The following SHANK2 variants were observed in gnomAD, a reference collection of about 807,000 sequenced individuals.
The protein encoded by SHANK2 is SH3 and multiple ankyrin repeat domains 2.
Under a neutral mutation model 133.7 loss-of-function variants are expected in SHANK2, and 43 were observed. That is an observed-to-expected ratio of 0.32 (90% CI 0.25 to 0.41). The LOEUF is 0.41. Ranked by LOEUF, SHANK2 falls within the 10% of genes least tolerant of loss-of-function variation. SHANK2 has a pLI of 1.00. For synonymous variants in SHANK2, 1,017 were observed against 952.8 expected (o/e 1.07, Z -1.24); for missense variants, 1,994 against 2,235.8 (o/e 0.89, Z 2.18).
chr11:70,691,174 C>T (rs1555020942), intron 15 of SHANK2, among the ~76,000 whole-genome samples: 1 of 151,906 alleles, frequency 6.6e-6, no homozygotes, highest in Non-Finnish European at 1.5e-5. Context: ...GGGAGGGGTC[C>T]CTGGGGCAGC....
Position 70,807,430 on chromosome 11 carries a change from C to T in SHANK2, c.1494-259G>A, listed in dbSNP as rs1298706447. Reference sequence around the variant, plus strand: ...ACTCGGGGAGACGTCTGCACACCTGCGTTCACAGTGGCACCGTTCACAGCA... The same window carrying T: ...ACTCGGGGAGACGTCTGCACACCTGTGTTCACAGTGGCACCGTTCACAGCA... On this transcript the variant is annotated intron_variant, in intron 12 of 25. Coordinates refer to ENST00000601538, the MANE Select transcript of SHANK2 (RefSeq NM_012309.5). This position sits in a 1 kb window ranked among gnomAD's most constrained non-coding sequence, Gnocchi z 4.8. Among the ~76,000 whole-genome samples, 5 of 152,214 alleles carry T rather than the reference C, an allele frequency of 3.3e-5. No individual in the cohort carries two copies. Among genetic ancestry groups the T allele is most frequent in the Admixed American group, 3.3e-4 (5 of 15,292 alleles).
At position 70,798,428 on chromosome 11, in the gene SHANK2, G is replaced by T. The variant is rs372288166; in HGVS notation, c.1777+15C>A. The T allele has an allele frequency of 1.9e-4, 134 of 717,372 alleles. No homozygotes were observed. The highest frequency in any genetic ancestry group is 5.6e-4 in the Admixed American group (28 of 49,998). The allele number at this position is 717,372 out of a possible 1,614,324, so 44.4% of individuals were successfully genotyped here. On this transcript the variant is annotated intron_variant, in intron 14 of 25. Coordinates refer to ENST00000601538, the MANE Select transcript of SHANK2 (RefSeq NM_012309.5). ...TGCAGGATCGAGGGTGGGCGGCCAC[G>T]AGCGCTCGCCTTACCTGCCTGGCTG...
At chr11:70,667,764 GGGCTCTGGGT>G (rs1944706703) in intron 15 of SHANK2, 1 of 152,238 alleles carries the variant, frequency 6.6e-6, no homozygotes, top group Admixed American at 6.5e-5. Context: ...TGGGCCTGAG[GGGCTCTGGGT>G]GGCTCTGTGT....
At chr11:70,815,385 G>GCC (rs1555054090) in intron 12 of SHANK2, among the ~76,000 whole-genome samples, 1 of 152,110 alleles carries the variant, frequency 6.6e-6, no homozygotes, top group African/African-American at 2.4e-5. Flanking sequence ...GGACAGCCCT[G>GCC]CCACAGGCTC....
chr11:71,134,030 C>T (rs34970041), intron 3 of SHANK2, among the ~76,000 whole-genome samples: 3 of 150,434 alleles, frequency 2.0e-5, no homozygotes, highest in Non-Finnish European at 3.0e-5. Context: ...CCACTGCACC[C>T]GGCTACATTC....
chr11:71,165,645 C>T (rs559201136), intron 2 of SHANK2, among the ~76,000 whole-genome samples: 2 of 152,344 alleles, frequency 1.3e-5, no homozygotes, highest in African/African-American at 4.8e-5. Context: ...GGGAACTTCT[C>T]AGCCCTTGAG....
intron 2 of SHANK2, among the ~76,000 whole-genome samples, chr11:71,218,791 G>C (rs1565522363): frequency 6.6e-6 from 1 of 152,208 alleles, no homozygotes; most frequent in East Asian, 1.9e-4. Flanking sequence ...ACAGCACTGG[G>C]CGTAACTAAC....
At chr11:70,703,518 G>C (rs886930349) in intron 14 of SHANK2, among the ~76,000 whole-genome samples, 1 of 152,134 alleles carries the variant, frequency 6.6e-6, no homozygotes, top group Admixed American at 6.5e-5. Flanking sequence ...GCATGTCCAG[G>C]CTTGGCCCCC....
chr11:70,631,463 C>T (rs1418854835), intron 17 of SHANK2, among the ~76,000 whole-genome samples: 1 of 152,034 alleles, frequency 6.6e-6, no homozygotes. Flanking sequence ...GTCCCTGGTC[C>T]TTTTCTCTTG....
chr11:70,818,412 G>T (rs1350119285), intron 12 of SHANK2, among the ~76,000 whole-genome samples: 1 of 152,122 alleles, frequency 6.6e-6, no homozygotes, highest in Non-Finnish European at 1.5e-5. Context: ...CAATACACCC[G>T]GCTGCTTCTC....
intron 2 of SHANK2, among the ~76,000 whole-genome samples, chr11:71,168,085 G>A (rs1219246747): frequency 5.7e-5 from 8 of 140,396 alleles, no homozygotes; most frequent in East Asian, 2.0e-4. Flanking sequence ...GTTGCCGGGC[G>A]GAGGGGCTCC....
intron 1 of SHANK2, among the ~76,000 whole-genome samples, chr11:71,243,417 G>A (rs376721266): frequency 7.2e-5 from 11 of 152,314 alleles, no homozygotes; most frequent in South Asian, 6.2e-4. Context: ...GAGTCAGGCC[G>A]GGCGTGGTGG....
chr11:70,486,750 C>T lies in SHANK2; in HGVS notation c.3543G>A (p.Gly1181=). ...RPLNSTSKAQ[G]PESSPAVPSA... is the part of the protein sequence containing the mutation. ...AGGGCACTGCTGGGCTGCTCTCGGGCCCCTGGGCTTTGGACGTGGAATTCA... is the reference window on the plus strand; with the variant it reads ...AGGGCACTGCTGGGCTGCTCTCGGGTCCCTGGGCTTTGGACGTGGAATTCA... The change falls in exon 25 of 26, where the codon GGG becomes GGA. Residue 1181 remains glycine (G), a synonymous_variant. Coordinates refer to ENST00000601538, the MANE Select transcript of SHANK2 (RefSeq NM_012309.5). The surrounding 1 kb of genome is among the most constrained non-coding windows in gnomAD (Gnocchi z 8.0). 1 of 1,610,798 alleles carries T rather than the reference C, an allele frequency of 6.2e-7. No homozygotes were observed.
At chr11:71,177,757 G>T (rs782349692) in intron 2 of SHANK2, among the ~76,000 whole-genome samples, 1 of 152,102 alleles carries the variant, frequency 6.6e-6, no homozygotes, top group Non-Finnish European at 1.5e-5. Flanking sequence ...AATAGGCAAA[G>T]AATTTGAATA....
At chr11:70,643,635 G>A (rs1591694844) in intron 17 of SHANK2, among the ~76,000 whole-genome samples, 1 of 151,494 alleles carries the variant, frequency 6.6e-6, no homozygotes, top group African/African-American at 2.4e-5. Flanking sequence ...CCTGTGGTTA[G>A]TATTTGGGAT....
At chr11:70,950,844 T>A (rs941174743) in intron 10 of SHANK2, among the ~76,000 whole-genome samples, 1 of 152,020 alleles carries the variant, frequency 6.6e-6, no homozygotes, top group Non-Finnish European at 1.5e-5. Flanking sequence ...TTTGTTTTGG[T>A]TTTTTTGTAG....
intron 17 of SHANK2, among the ~76,000 whole-genome samples, chr11:70,540,935 A>G (rs782281794): frequency 1.1e-4 from 17 of 151,742 alleles, no homozygotes; most frequent in Middle Eastern, 3.4e-3. Flanking sequence ...TGTCCAGAAC[A>G]TTCTCATCTT....
chr11:70,827,155 C>G (rs1244691302), intron 11 of SHANK2, among the ~76,000 whole-genome samples: 2 of 152,098 alleles, frequency 1.3e-5, no homozygotes, highest in Non-Finnish European at 2.9e-5. Context: ...TGAACACGAC[C>G]TATATTTCTG....
intron 2 of SHANK2, among the ~76,000 whole-genome samples, chr11:71,185,367 T>C (rs113140259): frequency 6.6e-6 from 1 of 152,324 alleles, no homozygotes; most frequent in African/African-American, 2.4e-5. Context: ...TGGTCCTTAG[T>C]AGAAAAGTCT....
Sources: gnomAD v4.1 joint callset for allele counts (sites outside exome capture counted in the v4.1 genomes callset) on GRCh38, gnomAD v4.1.1 for gene constraint, Gnocchi (gnomAD v3.1) non-coding constraint, MANE v1.5 for transcripts, NCBI Gene and HGNC (gene_info 2026-07-23, HGNC 2026-07-21) for gene names.